Variants in PAXBP1 observed in about 807,000 individuals in gnomAD.
PAXBP1 encodes the protein PAX3 and PAX7 binding protein 1, also known as PAX3- and PAX7-binding protein 1.
In PAXBP1, 44 loss-of-function variants were observed where a neutral mutation model predicts 119.9. The ratio of observed to expected loss-of-function variants is 0.37; its 90% CI spans 0.29 to 0.47. PAXBP1 has a LOEUF of 0.47. Ranked by LOEUF, PAXBP1 falls within the 20% of genes least tolerant of loss-of-function variation. The pLI is 0.99. For missense variants in PAXBP1, 898 were observed against 1,134.1 expected (o/e 0.79, Z 2.99); for synonymous variants, 393 against 406.6 (o/e 0.97, Z 0.40).
intron 8 of PAXBP1, 106 bp from the exon 9 acceptor site, chr21:32,751,324 G>C (rs1277927555): frequency 3.8e-5 from 35 of 918,696 alleles, no homozygotes; most frequent in Non-Finnish European, 5.4e-5. Context: ...AATCTCAACG[G>C]CAAGATTCTG....
intron 17 of PAXBP1, 33 bp from the exon 18 acceptor site, chr21:32,735,100 A>T: frequency 6.8e-7 from 1 of 1,468,058 alleles, no homozygotes; most frequent in Non-Finnish European, 9.5e-7. Context: ...CATCTCATTA[A>T]TTAGTATATC....
At chr21:32,737,224 A>G (rs769978056) in intron 17 of PAXBP1, 30 bp downstream of exon 17, 17 of 1,472,722 alleles carry the variant, frequency 1.2e-5, no homozygotes. Flanking sequence ...AAACAACTCT[A>G]GATTACCATT....
Position 32,737,423 on chromosome 21 carries a change from G to T in PAXBP1, c.2482-15C>A. ...CAATTGATTACCTGTGGAGAAGAAA[G>T]ACGTAAAATAAAATAGTTAAGACAG... On this transcript the variant is annotated splice_polypyrimidine_tract_variant and intron_variant, in intron 16 of 17. Transcript: ENST00000331923. 1 of 1,587,186 alleles carries T rather than the reference G, an allele frequency of 6.3e-7. No individual in the cohort carries two copies. The highest frequency in any genetic ancestry group is 1.1e-5 in the South Asian group (1 of 88,054).
At chr21:32,763,305 C>A (rs2044181365) in intron 3 of PAXBP1, among the ~76,000 whole-genome samples, 2 of 152,282 alleles carry the variant, frequency 1.3e-5, no homozygotes, top group South Asian at 2.1e-4. Context: ...CCTTTCCCCT[C>A]CTGCTAGACA....
chr21:32,768,119 T>C (rs2044274559), intron 2 of PAXBP1, among the ~76,000 whole-genome samples: 1 of 152,198 alleles, frequency 6.6e-6, no homozygotes, highest in South Asian at 2.1e-4. Flanking sequence ...GTGGGGCCCT[T>C]AAATGGCAGT....
intron 13 of PAXBP1, 74 bp from the exon 14 acceptor site, chr21:32,743,828 G>A (rs2043826238): frequency 1.3e-5 from 11 of 841,348 alleles, no homozygotes; most frequent in Non-Finnish European, 2.1e-5. Flanking sequence ...TCCAAATCAT[G>A]TAACTGAATA....
chr21:32,739,184 T>C (rs1285816723), intron 15 of PAXBP1, among the ~76,000 whole-genome samples: 1 of 152,238 alleles, frequency 6.6e-6, no homozygotes, highest in Non-Finnish European at 1.5e-5. Flanking sequence ...ACATAGCTAG[T>C]ACTGTTACAG....
At chr21:32,755,599 G>A (rs2044031459) in intron 7 of PAXBP1, 1 of 322,758 alleles carries the variant, frequency 3.1e-6, no homozygotes, top group Non-Finnish European at 5.6e-6. Context: ...GTTAAGAAAT[G>A]TAACACTTCA....
At chr21:32,739,017 G>C (rs950830766) in intron 15 of PAXBP1, among the ~76,000 whole-genome samples, 1 of 152,062 alleles carries the variant, frequency 6.6e-6, no homozygotes, top group Non-Finnish European at 1.5e-5. Context: ...GCCATCCTCC[G>C]AATCTGACCC....
intron 5 of PAXBP1, 72 bp from the exon 6 acceptor site, chr21:32,760,066 T>TA (rs2044114057): frequency 4.8e-6 from 6 of 1,246,904 alleles, no homozygotes; most frequent in Non-Finnish European, 6.7e-6. Context: ...CCTTTAGGGT[T>TA]AAAAAATCAA....
chr21:32,737,141 T>C, intron 17 of PAXBP1, 113 bp downstream of exon 17: 1 of 906,108 alleles, frequency 1.1e-6, no homozygotes, highest in Non-Finnish European at 1.5e-6. Context: ...TTTATAATAC[T>C]AAGTGAACAT....
At chr21:32,769,138 G>T (rs1472484566) in intron 2 of PAXBP1, among the ~76,000 whole-genome samples, 1 of 152,124 alleles carries the variant, frequency 6.6e-6, no homozygotes, top group Non-Finnish European at 1.5e-5. Flanking sequence ...TGAGAATCTG[G>T]AAAATCATGA....
rs1387397613 is a variant in PAXBP1 at position 32,734,249 on chromosome 21, A to G, written c.*701T>C. 6 of 152,700 alleles carry G rather than the reference A, an allele frequency of 3.9e-5. No individual in the cohort carries two copies. The highest frequency in any genetic ancestry group is 1.4e-4 in the African/African-American group (6 of 41,458). 9.5% of individuals were successfully genotyped at this position (152,700 alleles called of 1,614,324 possible). On this transcript the variant is annotated 3_prime_UTR_variant, in exon 18 of 18. Coordinates refer to ENST00000331923, the MANE Select transcript of PAXBP1 (RefSeq NM_016631.4). Reference sequence around the variant, plus strand: ...GAGACAGGACGGTCAGCCCAAAACCATGCAATTAGGTTGTGGGTTTATTAT... The same window carrying G: ...GAGACAGGACGGTCAGCCCAAAACCGTGCAATTAGGTTGTGGGTTTATTAT...
chr21:32,748,332 TAAAAG>T (rs1458095909), intron 11 of PAXBP1, among the ~76,000 whole-genome samples, 162 bp downstream of exon 11: 3 of 152,138 alleles, frequency 2.0e-5, no homozygotes, highest in East Asian at 1.9e-4. Context: ...ACATGAAACT[TAAAAG>T]GAAAGATCAT....
intron 3 of PAXBP1, among the ~76,000 whole-genome samples, chr21:32,764,026 G>C (rs1320579137): frequency 6.7e-6 from 1 of 150,180 alleles, no homozygotes; most frequent in Non-Finnish European, 1.5e-5. Context: ...ACAGAAACTA[G>C]TTTTGCTTTT....
intron 2 of PAXBP1, 82 bp from the exon 3 acceptor site, chr21:32,764,606 A>C: frequency 8.7e-7 from 1 of 1,148,678 alleles, no homozygotes; most frequent in Non-Finnish European, 1.2e-6. Context: ...TGACATCATT[A>C]AAAATTTTTT....
At chr21:32,765,607 A>G (rs2044227440) in intron 2 of PAXBP1, among the ~76,000 whole-genome samples, 1 of 152,094 alleles carries the variant, frequency 6.6e-6, no homozygotes. Flanking sequence ...TTCTCAAACC[A>G]TACTGTACTC....
Position 32,759,944 on chromosome 21 carries a change from G to T in PAXBP1, c.1026C>A (p.Tyr342Ter). ...AGGATGAGCCGTAAGGCATTGTCTG[G>T]TAAGTGTTCTGGTAGTACATATTCA... Reference protein sequence around the residue: ...AEVNMYYQNTYQTMPYGSSYG... With the variant: ...AEVNMYYQNT Residue 342 changes from tyrosine to a stop codon, truncating the protein, a stop_gained, in exon 6 of 18, where the codon TAC becomes TAA. Transcript: ENST00000331923. LOFTEE classifies it high-confidence loss of function. 1 of 1,614,138 alleles carries T rather than the reference G, an allele frequency of 6.2e-7. No homozygotes were observed. Among genetic ancestry groups the T allele is most frequent in the Non-Finnish European group, 8.5e-7 (1 of 1,179,970 alleles).
intron 17 of PAXBP1, among the ~76,000 whole-genome samples, chr21:32,736,911 T>G (rs78789702): frequency 0.035 from 5,375 of 152,154 alleles, 98 homozygotes; most frequent in Non-Finnish European, 0.041. Flanking sequence ...CTCCCCAAAT[T>G]GGGAGATAAA....
Sources: allele counts gnomAD v4.1 joint callset (sites outside exome capture counted in the v4.1 genomes callset), GRCh38; gene constraint gnomAD v4.1.1; transcripts MANE v1.5; gene names NCBI Gene and HGNC (gene_info 2026-07-23, HGNC 2026-07-21).